NAPEPLD: variants seen among roughly 807,000 people sequenced by gnomAD.
The protein encoded by NAPEPLD is N-acyl-phosphatidylethanolamine-hydrolyzing phospholipase D.
In NAPEPLD, 23 loss-of-function variants were observed where a neutral mutation model predicts 38.1. The ratio of observed to expected loss-of-function variants is 0.60; its 90% CI spans 0.43 to 0.86. The LOEUF is 0.86. Ranked by LOEUF, NAPEPLD falls within the 40% of genes least tolerant of loss-of-function variation. The probability of loss-of-function intolerance (pLI) is 0.00; values close to 1 mark genes in which losing one functional copy is unlikely to be tolerated. For missense variants in NAPEPLD, 411 were observed against 476.8 expected, an observed-to-expected ratio of 0.86 and a Z score of 1.28; for synonymous variants, 147 against 162.0, an observed-to-expected ratio of 0.91 and a Z score of 0.71.
chr7:103,111,180 C>T (rs1804457640), intron 4 of NAPEPLD, among the ~76,000 whole-genome samples: 1 of 152,168 alleles, frequency 6.6e-6, no homozygotes, highest in African/African-American at 2.4e-5. Context: ...AATGCTCATA[C>T]TGCCCAAAGT....
intron 3 of NAPEPLD, among the ~76,000 whole-genome samples, chr7:103,118,750 T>C (rs1389578537): frequency 6.6e-6 from 1 of 152,242 alleles, no homozygotes; most frequent in Non-Finnish European, 1.5e-5. Flanking sequence ...ACTTAATTCT[T>C]TGAAATCACT....
intron 4 of NAPEPLD, among the ~76,000 whole-genome samples, chr7:103,108,977 A>G (rs1302421394): frequency 6.6e-6 from 1 of 151,918 alleles, no homozygotes; most frequent in Non-Finnish European, 1.5e-5. Flanking sequence ...ACCAACAAGG[A>G]TCAAAAAGAG....
chr7:103,127,501 G>A (rs1437077452), intron 2 of NAPEPLD: 2 of 152,174 alleles, frequency 1.3e-5, no homozygotes, highest in Non-Finnish European at 2.9e-5. Context: ...AGGAACAAGT[G>A]GGATGCAGAA....
At chr7:103,135,750 T>C (rs1465935955) in intron 1 of NAPEPLD, among the ~76,000 whole-genome samples, 2 of 151,892 alleles carry the variant, frequency 1.3e-5, no homozygotes, top group African/African-American at 2.4e-5. Context: ...AATCTATATA[T>C]ATATATATAT....
At chr7:103,140,495 T>C (rs532476904) in intron 1 of NAPEPLD, among the ~76,000 whole-genome samples, 149 of 148,028 alleles carry the variant, frequency 1.0e-3, no homozygotes, top group Middle Eastern at 3.5e-3. Flanking sequence ...CGGGTTCACG[T>C]CATTCTCCTG....
intron 1 of NAPEPLD, among the ~76,000 whole-genome samples, chr7:103,131,445 G>A (rs1808919664): frequency 6.6e-6 from 1 of 152,120 alleles, no homozygotes; most frequent in African/African-American, 2.4e-5. Context: ...ACTCACCTGA[G>A]ACAAGGAGTT....
intron 1 of NAPEPLD, among the ~76,000 whole-genome samples, chr7:103,137,180 GC>G (rs778324508): frequency 2.0e-4 from 31 of 152,294 alleles, no homozygotes; most frequent in Non-Finnish European, 3.2e-4. Flanking sequence ...CTCGTGATCT[GC>G]CCGCATTGGC....
intron 1 of NAPEPLD, among the ~76,000 whole-genome samples, chr7:103,135,690 C>A (rs1426450714): frequency 6.6e-6 from 1 of 151,776 alleles, no homozygotes; most frequent in Non-Finnish European, 1.5e-5. Context: ...ATTATTGCAT[C>A]AAAAATAGAA....
chr7:103,102,476 C>T lies in NAPEPLD; in HGVS notation c.*953G>A, dbSNP rs1490268718. ...TCAGCCTCCCAAGTACCTGTGACTACAGGTACACACCACCTCACCCGGCTT... is the reference window on the plus strand; with the variant it reads ...TCAGCCTCCCAAGTACCTGTGACTATAGGTACACACCACCTCACCCGGCTT... On this transcript the variant is annotated 3_prime_UTR_variant, in exon 5 of 5. Transcript: ENST00000465647. The T allele has an allele frequency of 6.6e-6, 1 of 152,284 alleles. No homozygotes were observed. Among genetic ancestry groups the T allele is most frequent in the African/African-American group, 2.4e-5 (1 of 41,416 alleles). The allele number at this position is 152,284 out of a possible 1,614,324, so 9.4% of individuals were successfully genotyped here.
chr7:103,146,723 C>A (rs576872294), intron 1 of NAPEPLD, among the ~76,000 whole-genome samples: 16 of 152,222 alleles, frequency 1.1e-4, no homozygotes, highest in African/African-American at 3.9e-4. Flanking sequence ...TGTTGCTGAC[C>A]AACGCTTGCT....
At chr7:103,141,970 C>T in intron 1 of NAPEPLD, 2 of 767,350 alleles carry the variant, frequency 2.6e-6, no homozygotes, top group Non-Finnish European at 4.6e-6. Flanking sequence ...AAGGAAAGAG[C>T]TCCCCTGTGG....
chr7:103,122,089 A>C (rs1157647380), intron 2 of NAPEPLD, among the ~76,000 whole-genome samples: 2 of 151,944 alleles, frequency 1.3e-5, no homozygotes, highest in Non-Finnish European at 2.9e-5. Context: ...ACTCTAAGAC[A>C]ATGAGGAAGC....
chr7:103,119,809 A>C lies in NAPEPLD; in HGVS notation c.709T>G (p.Cys237Gly). ...VIELDWWEEN[C>G]VPGHDKVTFV... ...GTGACCTTATCATGTCCGGGGACACAATTCTCCTCCCACCAGTCCAACTCA... is the reference window on the plus strand; with the variant it reads ...GTGACCTTATCATGTCCGGGGACACCATTCTCCTCCCACCAGTCCAACTCA... The change falls in exon 3 of 5, where the codon TGT (cysteine) becomes GGT (glycine). Residue 237 changes from cysteine (C) to glycine (G), a missense_variant. Cys to Gly is a radical substitution (Grantham distance 159). Transcript: ENST00000465647. 1 of 1,614,142 alleles carries C rather than the reference A, an allele frequency of 6.2e-7. No homozygotes were observed. The highest frequency in any genetic ancestry group is 8.5e-7 in the Non-Finnish European group (1 of 1,180,028).
At chr7:103,145,533 T>A (rs1812359314) in intron 1 of NAPEPLD, among the ~76,000 whole-genome samples, 1 of 152,224 alleles carries the variant, frequency 6.6e-6, no homozygotes, top group African/African-American at 2.4e-5. Context: ...AATTTTGAGG[T>A]AATCATGACA....
chr7:103,144,438 A>G (rs1462164976), intron 1 of NAPEPLD, among the ~76,000 whole-genome samples: 3 of 152,294 alleles, frequency 2.0e-5, no homozygotes, highest in African/African-American at 7.2e-5. Flanking sequence ...TATAACTTTC[A>G]TTACTCAATT....
intron 1 of NAPEPLD, among the ~76,000 whole-genome samples, chr7:103,140,595 A>T (rs776322718): frequency 6.6e-6 from 1 of 151,758 alleles, no homozygotes. Flanking sequence ...GGGTTTCACC[A>T]TGTTAGCCAG....
chr7:103,142,617 C>A (rs1180013925), intron 1 of NAPEPLD, among the ~76,000 whole-genome samples: 1 of 151,954 alleles, frequency 6.6e-6, no homozygotes, highest in Non-Finnish European at 1.5e-5. Flanking sequence ...CAGGGCAAGG[C>A]TTGTACTCAA....
intron 4 of NAPEPLD, among the ~76,000 whole-genome samples, chr7:103,110,649 T>G (rs1804327729): frequency 1.3e-5 from 2 of 152,176 alleles, no homozygotes; most frequent in South Asian, 4.1e-4. Flanking sequence ...ACTGGAAGCA[T>G]TCCCTTTGAA....
chr7:103,126,554 T>C (rs73714555), intron 2 of NAPEPLD, among the ~76,000 whole-genome samples: 1 of 152,082 alleles, frequency 6.6e-6, no homozygotes, highest in Non-Finnish European at 1.5e-5. Context: ...ACACTGCATC[T>C]GCACCTAGCA....
Sources: gnomAD v4.1 joint callset for allele counts (sites outside exome capture counted in the v4.1 genomes callset) on GRCh38, gnomAD v4.1.1 for gene constraint, MANE v1.5 for transcripts, NCBI Gene and HGNC (gene_info 2026-07-23, HGNC 2026-07-21) for gene names.